MGA: variants seen among roughly 807,000 people sequenced by gnomAD.
The protein encoded by MGA is MAX dimerization protein MGA, also known as MAX gene-associated protein.
A neutral mutation model predicts 261.1 loss-of-function variants in MGA; 40 were observed. The ratio of observed to expected loss-of-function variants is 0.15; its 90% CI spans 0.12 to 0.20. The LOEUF (loss-of-function observed/expected upper bound fraction) is 0.20, where lower values mean the gene tolerates loss of function less well. MGA is among the 10% of genes least tolerant of loss of function. MGA has a pLI of 1.00. For synonymous variants in MGA, 1,302 were observed against 1,290.6 expected, an observed-to-expected ratio of 1.01 and a Z score of -0.19; for missense variants, 3,397 against 3,630.5, an observed-to-expected ratio of 0.94 and a Z score of 1.65.
chr15:41,625,610 A>T (rs1341630711), intron 1 of MGA, among the ~76,000 whole-genome samples: 1 of 152,162 alleles, frequency 6.6e-6, no homozygotes, highest in Non-Finnish European at 1.5e-5. Context: ...GCTACTCAGG[A>T]GGCTGAGGCA....
chr15:41,655,699 T>C (rs1283521243), upstream of MGA, among the ~76,000 whole-genome samples: 1 of 152,100 alleles, frequency 6.6e-6, no homozygotes, highest in Non-Finnish European at 1.5e-5. Flanking sequence ...CCTAGAAAAA[T>C]ATTTGTATCT....
Position 41,743,066 on chromosome 15 carries a change from T to C in MGA, c.5106T>C (p.Thr1702=). ...CTTCCACCTCCTTAGTCGTGGTGAC[T>C]GCAGCTGCATCTTCCTCCATGGTGA... The change falls in exon 15 of 24, where the codon ACT becomes ACC. Residue 1702 remains threonine (T), a synonymous_variant. Coordinates refer to ENST00000219905, the MANE Select transcript of MGA (RefSeq NM_001164273.2). The C allele has an allele frequency of 6.2e-7, 1 of 1,614,028 alleles. No homozygotes were observed. The highest frequency in any genetic ancestry group is 8.5e-7 in the Non-Finnish European group (1 of 1,179,888).
rs768692918 is a variant in MGA at position 41,749,520 on chromosome 15, A to G, written c.5913A>G (p.Glu1971=). 7 of 1,613,976 alleles carry G rather than the reference A, an allele frequency of 4.3e-6. No homozygotes were observed. The South Asian group carries it at 6.6e-5, about 15-fold the overall frequency. Reference sequence around the variant, plus strand: ...TTGCTTCCCTTCAGATGAAGAGAGAATCTCAGAATCCAGACCAGAAAGATG... The same window carrying G: ...TTGCTTCCCTTCAGATGAAGAGAGAGTCTCAGAATCCAGACCAGAAAGATG... The change falls in exon 17 of 24, where the codon GAA becomes GAG. Residue 1971 remains glutamate (E), a synonymous_variant. Coordinates refer to ENST00000219905, the MANE Select transcript of MGA (RefSeq NM_001164273.2).
chr15:41,671,703 A>T (rs1319944140), intron 2 of MGA, among the ~76,000 whole-genome samples: 2 of 152,174 alleles, frequency 1.3e-5, no homozygotes, highest in Admixed American at 1.3e-4. Flanking sequence ...AATTTCCTTT[A>T]CTTTCCTTTT....
intron 3 of MGA, among the ~76,000 whole-genome samples, chr15:41,698,026 G>A (rs1202631252): frequency 1.3e-5 from 2 of 151,298 alleles, no homozygotes; most frequent in African/African-American, 4.9e-5. Flanking sequence ...TCGCCACCAT[G>A]CCCGGCTAAT....
At position 41,714,695 on chromosome 15, in the gene MGA, G is replaced by A. The variant is rs563538471; in HGVS notation, c.3430+1199G>A. Among the ~76,000 whole-genome samples, 68 of 152,252 alleles carry A rather than the reference G, an allele frequency of 4.5e-4. No individual in the cohort carries two copies. In the South Asian group the frequency reaches 0.011, roughly 24 times the overall value. On this transcript the variant is annotated intron_variant, in intron 9 of 23. Coordinates refer to ENST00000219905, the MANE Select transcript of MGA (RefSeq NM_001164273.2). Reference sequence around the variant, plus strand: ...TTTAGTAGAGACGGGGTTTCACCATGTTGCGTAGGCTGGTCTTGAACTCCT... The same window carrying A: ...TTTAGTAGAGACGGGGTTTCACCATATTGCGTAGGCTGGTCTTGAACTCCT...
rs1306611326 is a variant in MGA, at chr15:41,767,218, T to C, written c.9136T>C (p.Leu3046=). The change falls in exon 24 of 24, where the codon TTG becomes CTG. Residue 3046 remains leucine (L), a synonymous_variant. Coordinates refer to ENST00000219905, the MANE Select transcript of MGA (RefSeq NM_001164273.2). ...CCGGGAAAGCAAGGTGATGCCTACA[T>C]TGGCACCTGTTGTGGCTAAATTGGG... 2.5e-6 allele frequency: 4 copies of C among 1,613,976 alleles called. No homozygotes were observed. Among genetic ancestry groups the C allele is most frequent in the Non-Finnish European group, 3.4e-6 (4 of 1,179,864 alleles).
chr15:41,625,331 C>A (rs1439796479), intron 1 of MGA, among the ~76,000 whole-genome samples: 1 of 151,914 alleles, frequency 6.6e-6, no homozygotes, highest in African/African-American at 2.4e-5. Context: ...TATGTGCCAG[C>A]CAATTTTTTT....
At position 41,708,133 on chromosome 15, in the gene MGA, G is replaced by C; in HGVS notation, c.2350G>C (p.Gly784Arg). 6.3e-7 allele frequency: 1 copy of C among 1,596,308 alleles called. No homozygotes were observed. The highest frequency in any genetic ancestry group is 8.5e-7 in the Non-Finnish European group (1 of 1,170,972). ...GGGATTTCCCTTTGTTTCTAGGACA[G>C]GGAAAACCAATGATTTCACTAAGAT... Residue 784 changes from glycine to arginine, a missense_variant, in exon 7 of 24, where the codon GGG (glycine) becomes CGG (arginine). Physicochemically the swap from Gly to Arg is moderately radical, Grantham distance 125. This residue lies in a region of MGA where 519 missense variants were observed against 554.1 expected (regional missense o/e 0.94). Transcript: ENST00000219905.
At position 41,742,919 on chromosome 15, in the gene MGA, G is replaced by C. The variant is rs1888364011; in HGVS notation, c.4959G>C (p.Gln1653His). 4.3e-6 allele frequency: 7 copies of C among 1,614,036 alleles called. No individual in the cohort carries two copies. The highest frequency in any genetic ancestry group is 5.9e-6 in the Non-Finnish European group (7 of 1,179,898). The change falls in exon 15 of 24, where the codon CAG becomes CAC. Residue 1653 changes from glutamine (Q) to histidine (H), a missense_variant. Gln to His is a conservative substitution (Grantham distance 24). This residue lies in a region of MGA where 1,410 missense variants were observed against 1,386.4 expected (regional missense o/e 1.02). Coordinates refer to ENST00000219905, the MANE Select transcript of MGA (RefSeq NM_001164273.2). ...CCAGCACCTCTGTAACATCTACCCA[G>C]TCTACAGCCACTGTGAACCTTACCA...
At chr15:41,655,981 A>T (rs1406226441), upstream of MGA, among the ~76,000 whole-genome samples, 1 of 152,182 alleles carries the variant, frequency 6.6e-6, no homozygotes, top group African/African-American at 2.4e-5. Context: ...TATTCAACAA[A>T]TATGTGTCCA....
chr15:41,729,581 G>T (rs1336082965), intron 11 of MGA, among the ~76,000 whole-genome samples: 1 of 151,894 alleles, frequency 6.6e-6, no homozygotes, highest in Non-Finnish European at 1.5e-5. Context: ...CAGCACTTTG[G>T]GACGCTGAGG....
chr15:41,662,150 G>A (rs147153343), intron 1 of MGA, among the ~76,000 whole-genome samples: 20 of 152,258 alleles, frequency 1.3e-4, no homozygotes, highest in African/African-American at 4.8e-4. Flanking sequence ...GTTTGTGTGG[G>A]TTAAGTGGGT....
rs755462656 is a variant in MGA at position 41,710,699 on chromosome 15, T to G, written c.2434T>G (p.Ser812Ala). ...TGTTTTCTTATTTCTAGGTGGAAAT[T>G]CAGAAAGTTCACTGAAAAATCGTTC... The change falls in exon 8 of 24, where the codon TCA (serine) becomes GCA (alanine). Residue 812 changes from serine to alanine, a missense_variant. Transcript: ENST00000219905. 9 of 1,596,564 alleles carry G rather than the reference T, an allele frequency of 5.6e-6. No individual in the cohort carries two copies. In the South Asian group the frequency reaches 9.1e-5, roughly 16 times the overall value.
At chr15:41,647,879 G>A (rs1044433592) in intron 1 of MGA, among the ~76,000 whole-genome samples, 4 of 151,960 alleles carry the variant, frequency 2.6e-5, no homozygotes, top group African/African-American at 4.8e-5. Context: ...AAAGTACATC[G>A]CATACTAAAT....
Position 41,760,336 on chromosome 15 carries a change from C to T in MGA, c.7205C>T (p.Pro2402Leu), listed in dbSNP as rs2151990618. Residue 2402 changes from proline (P) to leucine (L), a missense_variant, in exon 20 of 24, where the codon CCT becomes CTT. Physicochemically the swap from Pro to Leu is moderately conservative, Grantham distance 98 (BLOSUM62 -3). Coordinates refer to ENST00000219905, the MANE Select transcript of MGA (RefSeq NM_001164273.2). Reference sequence around the variant, plus strand: ...TTGTTTGGACAGGCTCCACCAATTCCTCTAAAACTGAAGCCTGATTACTGG... The same window carrying T: ...TTGTTTGGACAGGCTCCACCAATTCTTCTAAAACTGAAGCCTGATTACTGG... 6.2e-7 allele frequency: 1 copy of T among 1,613,950 alleles called. No individual in the cohort carries two copies.
intron 13 of MGA, chr15:41,739,946 G>C: frequency 6.2e-7 from 1 of 1,612,704 alleles, no homozygotes; most frequent in Admixed American, 1.7e-5. Flanking sequence ...TTGCTATTGG[G>C]ACAGATGGGG....
In MGA at chr15:41,713,352, A is replaced by G. The variant is rs766342279; in HGVS notation, c.3286A>G (p.Thr1096Ala). Residue 1096 changes from threonine to alanine, a missense_variant, in exon 9 of 24, where the codon ACT becomes GCT. By Grantham distance (58) the Thr-to-Ala change is moderately conservative. This residue lies in a region of MGA where 519 missense variants were observed against 554.1 expected (regional missense o/e 0.94). Coordinates refer to ENST00000219905, the MANE Select transcript of MGA (RefSeq NM_001164273.2). ...TGTACTTGTTAAAGGAGGATCCAAA[A>G]CTAAGCATTTTCAGAGGAAGGCTGC... 9.9e-6 allele frequency: 16 copies of G among 1,613,748 alleles called. No individual in the cohort carries two copies. The highest frequency in any genetic ancestry group is 1.4e-5 in the Non-Finnish European group (16 of 1,179,838).
rs150029897 is a variant in MGA at position 41,678,057 on chromosome 15, A to C, written c.1064+8099A>C. The stretch of plus-strand genomic sequence containing the variant: ...TTCTTACTAAGAGTTTTATAGTTTT[A>C]CCTCTTAAGTTTAGGTCTGCAATCA... On this transcript the variant is annotated intron_variant, in intron 2 of 23. Coordinates refer to ENST00000219905, the MANE Select transcript of MGA (RefSeq NM_001164273.2). Among the ~76,000 whole-genome samples, 191 of 146,760 alleles carry C rather than the reference A, an allele frequency of 1.3e-3. 1 individual carries two copies. Among genetic ancestry groups the C allele is most frequent in the African/African-American group, 4.4e-3 (174 of 39,932 alleles).
Sources: gnomAD v4.1 joint callset for allele counts (sites outside exome capture counted in the v4.1 genomes callset) on GRCh38, gnomAD v4.1.1 for gene constraint, gnomAD v4.1.1 regional missense constraint, MANE v1.5 for transcripts, NCBI Gene and HGNC (gene_info 2026-07-23, HGNC 2026-07-21) for gene names.